Variants in WDR46 observed in about 807,000 individuals in gnomAD.
The protein encoded by WDR46 is WD repeat domain 46.
WDR46 carries 58 observed loss-of-function variants against 74.7 expected under a neutral mutation model. That is an observed-to-expected ratio of 0.78 (90% CI 0.63 to 0.97). WDR46 has a LOEUF of 0.97. Ranked by LOEUF, WDR46 falls within the 50% of genes least tolerant of loss-of-function variation. The pLI is 0.00. For synonymous variants in WDR46, 278 were observed against 297.3 expected, an observed-to-expected ratio of 0.93 and a Z score of 0.67; for missense variants, 702 against 790.1, an observed-to-expected ratio of 0.89 and a Z score of 1.34.
Position 33,279,497 on chromosome 6 carries a change from CCT to C in WDR46, c.1732_1733del (p.Arg578GlyfsTer13). On this transcript the variant is annotated frameshift_variant and splice_region_variant, in exon 14 of 15. Coordinates refer to ENST00000374617, the MANE Select transcript of WDR46 (RefSeq NM_005452.6). LOFTEE classifies it high-confidence loss of function. Reference protein sequence around the residue: ...RKRKVMDEEHRDKVRQSLQQQ... With the variant: ...RKRKVMDEEHXDKVRQSLQQQ... ...CCGGCCCATGCCAATGCTCATTTAC[CCT>C]GTGTTCCTCATCCATGACCTTCCTC... 2 of 1,612,804 alleles carry C rather than the reference CCT, an allele frequency of 1.2e-6. No individual in the cohort carries two copies. Among genetic ancestry groups the C allele is most frequent in the Non-Finnish European group, 1.7e-6 (2 of 1,180,044 alleles).
At position 33,287,738 on chromosome 6, in the gene WDR46, G is replaced by A. The variant is rs1318954719; in HGVS notation, c.624-20C>T. The A allele has an allele frequency of 6.2e-7, 1 of 1,612,906 alleles. No homozygotes were observed. The highest frequency in any genetic ancestry group is 8.5e-7 in the Non-Finnish European group (1 of 1,179,758). ...AGGTGTCTGTTGGAGGTGAGGGGCAGGCAGGGTGTTAAGGCAGGGGACCAC... is the reference window on the plus strand; with the variant it reads ...AGGTGTCTGTTGGAGGTGAGGGGCAAGCAGGGTGTTAAGGCAGGGGACCAC... On this transcript the variant is annotated intron_variant, in intron 6 of 14. Coordinates refer to ENST00000374617, the MANE Select transcript of WDR46 (RefSeq NM_005452.6).
chr6:33,280,126 CACCCTCTCCAGCAGAGGGAAACCTG>C (rs1180908362), intron 12 of WDR46, among the ~76,000 whole-genome samples: 2 of 144,684 alleles, frequency 1.4e-5, no homozygotes, highest in Admixed American at 6.8e-5. Context: ...GAGGGAATTT[CACCCTCTCCAGCAGAGGGAAACCTG>C]ACCCTCTCCA....
chr6:33,280,282 TCCA>T, intron 12 of WDR46, 143 bp downstream of exon 12: 1 of 722,276 alleles, frequency 1.4e-6, no homozygotes, highest in Non-Finnish European at 2.3e-6. Flanking sequence ...CCTGACCTTC[TCCA>T]GCAGTGGGGA....
chr6:33,280,477 CT>C lies in WDR46; in HGVS notation c.1474del (p.Arg492GlufsTer11), dbSNP rs762651847. On this transcript the variant is annotated frameshift_variant, in exon 12 of 15. Coordinates refer to ENST00000374617, the MANE Select transcript of WDR46 (RefSeq NM_005452.6). LOFTEE classifies it high-confidence loss of function. Reference protein sequence around the residue: ...NFDGLESNPYRSRKQRQEWEV... With the variant: ...NFDGLESNPYXSRKQRQEWEV... ...CCACTCCTGGCGCTGCTTCCGGCTT[CT>C]GTATGGATTACTCTCCAGGCCATCG... The C allele has an allele frequency of 6.2e-7, 1 of 1,600,146 alleles. No individual in the cohort carries two copies. The highest frequency in any genetic ancestry group is 1.7e-5 in the Admixed American group (1 of 58,308).
intron 11 of WDR46, 58 bp from the exon 12 acceptor site, chr6:33,280,580 C>T: frequency 4.4e-6 from 7 of 1,602,228 alleles, no homozygotes; most frequent in Non-Finnish European, 6.0e-6. Context: ...TCCAACAGCT[C>T]CAGCCCAACT....
intron 10 of WDR46, 137 bp downstream of exon 10, chr6:33,286,658 G>T: frequency 1.3e-6 from 1 of 794,214 alleles, no homozygotes; most frequent in Non-Finnish European, 2.1e-6. Flanking sequence ...GCCTATACTT[G>T]CAAGGCCCAT....
chr6:33,288,540 T>C, intron 3 of WDR46, 70 bp from the exon 4 acceptor site: 1 of 1,608,220 alleles, frequency 6.2e-7, no homozygotes, highest in Non-Finnish European at 8.5e-7. Flanking sequence ...GAGAGCTACC[T>C]GTCCCAGCCT....
In WDR46 at chr6:33,289,221, A is replaced by G. The variant is rs1409680213; in HGVS notation, c.-51T>C. 3 of 1,578,896 alleles carry G rather than the reference A, an allele frequency of 1.9e-6. No homozygotes were observed. The highest frequency in any genetic ancestry group is 2.6e-6 in the Non-Finnish European group (3 of 1,164,088). Reference sequence around the variant, plus strand: ...GTGCAAAACTCCTCTCAGCTGCCACACAGTCGGCTTGAAAACTCCCGGAAG... The same window carrying G: ...GTGCAAAACTCCTCTCAGCTGCCACGCAGTCGGCTTGAAAACTCCCGGAAG... On this transcript the variant is annotated 5_prime_UTR_variant, in exon 1 of 15. Transcript: ENST00000374617.
chr6:33,288,315 C>A, intron 4 of WDR46, 43 bp downstream of exon 4: 1 of 1,613,584 alleles, frequency 6.2e-7, no homozygotes, highest in East Asian at 2.2e-5. Flanking sequence ...AAAAGACAGT[C>A]CCAAAAGGCA....
chr6:33,288,635 A>G lies in WDR46; in HGVS notation c.339T>C (p.Cys113=). ...PVPVEVVQKF[C]RIDKSRKLPH... ...TCACCTTTCGGGATTTGTCAATGCG[A>G]CAGAACTTCTGGACCACTTCCACAG... The change falls in exon 3 of 15, where the codon TGT becomes TGC. Residue 113 remains cysteine, a synonymous_variant. Transcript: ENST00000374617. The G allele has an allele frequency of 6.2e-7, 1 of 1,612,848 alleles. No homozygotes were observed. The highest frequency in any genetic ancestry group is 8.5e-7 in the Non-Finnish European group (1 of 1,179,554).
chr6:33,288,609 C>G lies in WDR46; in HGVS notation c.360+5G>C. ...GCACTTCCCAACTCTCCGGCTGGAC[C>G]TCACCTTTCGGGATTTGTCAATGCG... On this transcript the variant is annotated splice_donor_5th_base_variant and intron_variant, in intron 3 of 14. Transcript: ENST00000374617. 2.5e-6 allele frequency: 4 copies of G among 1,612,748 alleles called. No homozygotes were observed. Among genetic ancestry groups the G allele is most frequent in the Non-Finnish European group, 3.4e-6 (4 of 1,179,380 alleles).
In WDR46 at chr6:33,288,847, G is replaced by A. The variant is rs373679281; in HGVS notation, c.236C>T (p.Pro79Leu). ...GGACTCCGGGTTCTTCCATTCTCGG[G>A]GTTTCTTCGGGACCTGAGGCTTCTT... ...ISKKPQVPKK[P>L]REWKNPESQR... Residue 79 changes from proline (P) to leucine (L), a missense_variant, in exon 2 of 15, where the codon CCC (proline) becomes CTC (leucine). Coordinates refer to ENST00000374617, the MANE Select transcript of WDR46 (RefSeq NM_005452.6). 4.0e-5 allele frequency: 65 copies of A among 1,613,938 alleles called. No homozygotes were observed. Among genetic ancestry groups the A allele is most frequent in the Non-Finnish European group, 5.4e-5 (64 of 1,180,018 alleles).
intron 12 of WDR46, among the ~76,000 whole-genome samples, chr6:33,280,091 G>C (rs146500966): frequency 2.0e-5 from 3 of 151,192 alleles, no homozygotes; most frequent in African/African-American, 7.3e-5. Context: ...CTCTCCAGCA[G>C]GGGGGAACCT....
intron 10 of WDR46, among the ~76,000 whole-genome samples, chr6:33,284,164 G>A (rs1278260968): frequency 2.7e-5 from 4 of 150,796 alleles, no homozygotes; most frequent in East Asian, 4.0e-4. Flanking sequence ...CAGGAGAATC[G>A]CTTGAACCCC....
chr6:33,289,175 C>A lies in WDR46; in HGVS notation c.-5G>T. 1 of 1,608,796 alleles carries A rather than the reference C, an allele frequency of 6.2e-7. No homozygotes were observed. The highest frequency in any genetic ancestry group is 8.5e-7 in the Non-Finnish European group (1 of 1,177,706). On this transcript the variant is annotated 5_prime_UTR_variant, in exon 1 of 15. Coordinates refer to ENST00000374617, the MANE Select transcript of WDR46 (RefSeq NM_005452.6). ...CGGCTTGGGGGCTGTCTCCATCTCG[C>A]CCACCCGAACGGCGATCCACGTGCA...
In WDR46 at chr6:33,287,159, C is replaced by T. The variant is rs1372332521; in HGVS notation, c.947G>A (p.Arg316Gln). The part of the protein sequence containing the change: ...VGKIVAALNA[R>Q]AGRLDVMSQN... The stretch of plus-strand genomic sequence containing the variant: ...ACTCATAACATCGAGCCGCCCAGCT[C>T]GAGCATTCAGAGCTGCCACAATCTT... The change falls in exon 9 of 15, where the codon CGA becomes CAA. Residue 316 changes from arginine to glutamine, a missense_variant. Coordinates refer to ENST00000374617, the MANE Select transcript of WDR46 (RefSeq NM_005452.6). 3 of 1,613,806 alleles carry T rather than the reference C, an allele frequency of 1.9e-6. No individual in the cohort carries two copies. Among genetic ancestry groups the T allele is most frequent in the Non-Finnish European group, 2.5e-6 (3 of 1,180,008 alleles).
intron 2 of WDR46, 48 bp downstream of exon 2, chr6:33,288,756 C>T (rs369611721): frequency 2.2e-5 from 36 of 1,613,458 alleles, no homozygotes; most frequent in Non-Finnish European, 2.9e-5. Context: ...CTCTCACTCT[C>T]AAGGAACGAG....
chr6:33,283,240 G>A (rs1766338942), intron 10 of WDR46, among the ~76,000 whole-genome samples: 1 of 151,978 alleles, frequency 6.6e-6, no homozygotes, highest in South Asian at 2.1e-4. Flanking sequence ...GCAAAAACAG[G>A]GAGCGGGTGG....
intron 10 of WDR46, among the ~76,000 whole-genome samples, chr6:33,285,905 C>G (rs1766578189): frequency 6.7e-6 from 1 of 150,334 alleles, no homozygotes; most frequent in Non-Finnish European, 1.5e-5. Flanking sequence ...CTTTGGGAGG[C>G]CGAGGCGGGC....
Sources: allele counts gnomAD v4.1 joint callset (sites outside exome capture counted in the v4.1 genomes callset), GRCh38; gene constraint gnomAD v4.1.1; transcripts MANE v1.5; gene names NCBI Gene and HGNC (gene_info 2026-07-23, HGNC 2026-07-21).